Variants in PRRC2B observed in about 807,000 individuals in gnomAD.
PRRC2B encodes the protein protein PRRC2B.
In PRRC2B, 68 loss-of-function variants were observed where a neutral mutation model predicts 242.3. The ratio of observed to expected loss-of-function variants is 0.28; its 90% CI spans 0.23 to 0.34. PRRC2B has a LOEUF of 0.34. PRRC2B is among the 10% of genes least tolerant of loss of function. The probability of loss-of-function intolerance (pLI) is 1.00; values close to 1 mark genes in which losing one functional copy is unlikely to be tolerated. For synonymous variants in PRRC2B, 1,228 were observed against 1,173.6 expected, an observed-to-expected ratio of 1.05 and a Z score of -0.95; for missense variants, 2,835 against 2,954.8, an observed-to-expected ratio of 0.96 and a Z score of 0.94.
intron 11 of PRRC2B, among the ~76,000 whole-genome samples, chr9:131,463,742 G>T (rs1943309826): frequency 6.8e-6 from 1 of 146,384 alleles, no homozygotes; most frequent in Admixed American, 7.1e-5. Flanking sequence ...TGCCACCTCA[G>T]CTCAGTAGCT....
intron 1 of PRRC2B, among the ~76,000 whole-genome samples, chr9:131,412,797 C>CTTTTTTTTTTTT (rs35175798): frequency 7.2e-6 from 1 of 138,020 alleles, no homozygotes; most frequent in Non-Finnish European, 1.5e-5. Flanking sequence ...CTCTCTCTCT[C>CTTTTTTTTTTTT]TTTTTTTTTT....
chr9:131,425,029 C>T (rs1441010048), intron 1 of PRRC2B, among the ~76,000 whole-genome samples: 5 of 152,102 alleles, frequency 3.3e-5, no homozygotes, highest in Non-Finnish European at 7.4e-5. Flanking sequence ...TGCAATGGCG[C>T]AATCTTGGCT....
intron 1 of PRRC2B, among the ~76,000 whole-genome samples, chr9:131,415,423 G>A (rs1455161108): frequency 1.3e-5 from 2 of 152,198 alleles, no homozygotes; most frequent in African/African-American, 2.4e-5. Flanking sequence ...CCAGGCCCCC[G>A]CTCCCCTGGG....
intron 11 of PRRC2B, 69 bp downstream of exon 11, chr9:131,459,425 G>T: frequency 8.0e-7 from 1 of 1,249,154 alleles, no homozygotes; most frequent in Non-Finnish European, 1.1e-6. Context: ...TTTCTGAGAA[G>T]TCCTAAGTGG....
intron 11 of PRRC2B, 77 bp downstream of exon 11, chr9:131,459,433 T>A: frequency 1.7e-6 from 2 of 1,173,172 alleles, no homozygotes; most frequent in Non-Finnish European, 2.4e-6. Context: ...AAGTCCTAAG[T>A]GGGCATTTCT....
chr9:131,401,977 G>A (rs1022511655), intron 1 of PRRC2B, among the ~76,000 whole-genome samples: 3 of 148,136 alleles, frequency 2.0e-5, no homozygotes, highest in African/African-American at 7.5e-5. Context: ...TTGTATTATT[G>A]TTATTATTTT....
At chr9:131,479,189 C>A in intron 18 of PRRC2B, 63 bp from the exon 19 acceptor site, 1 of 1,553,410 alleles carries the variant, frequency 6.4e-7, no homozygotes, top group Admixed American at 1.7e-5. Context: ...GATACTTATC[C>A]TGGGGAGAAT....
upstream of PRRC2B, among the ~76,000 whole-genome samples, chr9:131,390,781 CTTTTTTT>C (rs57100225): frequency 8.1e-5 from 3 of 36,946 alleles, no homozygotes; most frequent in Non-Finnish European, 1.0e-4. Flanking sequence ...TGTGCCCTAG[CTTTTTTT>C]TTTTTTTTTT....
chr9:131,435,242 G>A (rs556244935), intron 3 of PRRC2B, among the ~76,000 whole-genome samples: 1 of 151,460 alleles, frequency 6.6e-6, no homozygotes, highest in Non-Finnish European at 1.5e-5. Flanking sequence ...AGGTTGCAGT[G>A]AGCCGAGATC....
At chr9:131,439,166 C>G (rs1838473476) in intron 5 of PRRC2B, 105 bp downstream of exon 5, 1 of 890,406 alleles carries the variant, frequency 1.1e-6, no homozygotes, top group African/African-American at 1.7e-5. Flanking sequence ...GCTTTGAGGA[C>G]TCTCTTCCAC....
chr9:131,483,527 C>G, intron 23 of PRRC2B, 82 bp downstream of exon 23: 1 of 1,249,444 alleles, frequency 8.0e-7, no homozygotes, highest in Admixed American at 1.7e-5. Flanking sequence ...ACATGTATTT[C>G]AGGCTGACCT....
rs908291970 is a variant in PRRC2B, at chr9:131,480,696, C to T, written c.4901-1030C>T. Among the ~76,000 whole-genome samples the T allele has an allele frequency of 2.6e-5, 4 of 152,008 alleles. No individual in the cohort carries two copies. The East Asian group carries it at 7.7e-4, about 29-fold the overall frequency. On this transcript the variant is annotated intron_variant, in intron 19 of 31. Transcript: ENST00000683519. ...GAACCCCTGGGTTCAAGCAATCCTTCTGCCTCAGCCTCCTGAGTAGCTGGG... is the reference window on the plus strand; with the variant it reads ...GAACCCCTGGGTTCAAGCAATCCTTTTGCCTCAGCCTCCTGAGTAGCTGGG...
chr9:131,376,311 G>A (rs1000637007), intron 1 of PRRC2B, among the ~76,000 whole-genome samples: 5 of 148,664 alleles, frequency 3.4e-5, no homozygotes, highest in East Asian at 3.9e-4. Flanking sequence ...CGGAGATCGC[G>A]CCAATGCACT....
intron 1 of PRRC2B, among the ~76,000 whole-genome samples, chr9:131,419,851 G>A (rs953354597): frequency 5.9e-5 from 9 of 151,716 alleles, no homozygotes; most frequent in Middle Eastern, 3.2e-3. Flanking sequence ...ATGTTGGGCC[G>A]GGGGGGTCTG....
intron 5 of PRRC2B, among the ~76,000 whole-genome samples, chr9:131,442,283 C>T (rs1469244687): frequency 6.6e-6 from 1 of 152,056 alleles, no homozygotes; most frequent in Admixed American, 6.5e-5. Flanking sequence ...CAGGCATGCA[C>T]CACCATGCCC....
intron 2 of PRRC2B, among the ~76,000 whole-genome samples, chr9:131,431,223 C>T (rs111315780): frequency 0.062 from 9,409 of 151,582 alleles, 377 homozygotes; most frequent in Admixed American, 0.12. Flanking sequence ...CTCTGCCTCC[C>T]GGGTTCACGC....
chr9:131,448,564 A>AAAAAAAAAAAAAAAAAAAAAC (rs1838901509), intron 9 of PRRC2B, among the ~76,000 whole-genome samples: 1 of 137,068 alleles, frequency 7.3e-6, no homozygotes, highest in Non-Finnish European at 1.6e-5. Context: ...AAAAAAAAAA[A>AAAAAAAAAAAAAAAAAAAAAC]AAAAAAGGAA....
chr9:131,400,408 TC>T (rs887583741), intron 1 of PRRC2B, among the ~76,000 whole-genome samples: 4 of 152,226 alleles, frequency 2.6e-5, no homozygotes, highest in African/African-American at 2.4e-5. Flanking sequence ...AACCTCCACT[TC>T]CTGGGTTCAA....
chr9:131,419,850 C>T (rs953885858), intron 1 of PRRC2B, among the ~76,000 whole-genome samples: 6 of 115,600 alleles, frequency 5.2e-5, no homozygotes, highest in South Asian at 2.7e-4. Flanking sequence ...CATGTTGGGC[C>T]GGGGGGGTCT....
Sources: gnomAD v4.1 joint callset for allele counts (sites outside exome capture counted in the v4.1 genomes callset) on GRCh38, gnomAD v4.1.1 for gene constraint, MANE v1.5 for transcripts, NCBI Gene and HGNC (gene_info 2026-07-23, HGNC 2026-07-21) for gene names.